Variants in OR1L8 observed in about 807,000 individuals in gnomAD.
The protein encoded by OR1L8 is olfactory receptor family 1 subfamily L member 8.
For missense variants in OR1L8, 330 were observed against 377.4 expected, an observed-to-expected ratio of 0.87 and a Z score of 1.04; for synonymous variants, 148 against 147.0, an observed-to-expected ratio of 1.01 and a Z score of -0.05.
the OR1L8 span, among the ~76,000 whole-genome samples, chr9:122,559,723 G>T: frequency 6.6e-6 from 1 of 152,076 alleles, no homozygotes; most frequent in African/African-American, 2.4e-5. Flanking sequence ...GCATTTGCTG[G>T]GGAGTTTTTT....
At chr9:122,569,415 G>A (rs181517535) in intron 4 of OR1L8, among the ~76,000 whole-genome samples, 2 of 90,258 alleles carry the variant, frequency 2.2e-5, no homozygotes, top group East Asian at 1.3e-3. Flanking sequence ...GGATATCAAA[G>A]TGGCTTCCAT....
At chr9:122,559,719 G>A in the OR1L8 span, among the ~76,000 whole-genome samples, 4 of 152,152 alleles carry the variant, frequency 2.6e-5, no homozygotes, top group Non-Finnish European at 4.4e-5. Flanking sequence ...TTTTGCATTT[G>A]CTGGGGAGTT....
intron 1 of OR1L8, among the ~76,000 whole-genome samples, chr9:122,582,880 G>GTAAT (rs1261356998): frequency 6.6e-6 from 1 of 151,806 alleles, no homozygotes; most frequent in Non-Finnish European, 1.5e-5. Context: ...AAATAAAAGT[G>GTAAT]TAATTAAAAT....
the OR1L8 span, among the ~76,000 whole-genome samples, chr9:122,555,198 G>A: frequency 2.0e-5 from 3 of 152,162 alleles, no homozygotes; most frequent in East Asian, 5.8e-4. Flanking sequence ...CTGAGATCAA[G>A]TTCATCCGGG....
downstream of OR1L8, among the ~76,000 whole-genome samples, chr9:122,564,003 A>G (rs73563753): frequency 0.024 from 3,652 of 152,162 alleles, 156 homozygotes; most frequent in African/African-American, 0.083. Flanking sequence ...TTCAGTTACT[A>G]TAGCTTTATA....
At chr9:122,569,438 T>C (rs889032199) in intron 4 of OR1L8, among the ~76,000 whole-genome samples, 5 of 152,244 alleles carry the variant, frequency 3.3e-5, no homozygotes, top group Admixed American at 2.0e-4. Context: ...CTTGCTACTA[T>C]AAAAAAACTC....
At chr9:122,557,984 T>C in the OR1L8 span, among the ~76,000 whole-genome samples, 1 of 152,022 alleles carries the variant, frequency 6.6e-6, no homozygotes, top group African/African-American at 2.4e-5. Context: ...AGTTATCATG[T>C]TTGTGGGCAC....
chr9:122,560,494 C>T, the OR1L8 span, among the ~76,000 whole-genome samples: 2 of 152,084 alleles, frequency 1.3e-5, no homozygotes, highest in Non-Finnish European at 2.9e-5. Flanking sequence ...TTAGTGCTTC[C>T]TTCAGGAGCT....
At chr9:122,553,802 A>G in the OR1L8 span, 26 of 1,613,976 alleles carry the variant, frequency 1.6e-5, no homozygotes, top group Middle Eastern at 1.6e-4. Flanking sequence ...ATACCCATGT[A>G]AACGAGCTGA....
chr9:122,571,547 CAAA>C lies in OR1L8; in HGVS notation c.-213+1230_-213+1232del, dbSNP rs59592725. Among the ~76,000 whole-genome samples, 669 of 126,848 alleles carry C rather than the reference CAAA, an allele frequency of 5.3e-3. 4 individuals carry two copies. Among genetic ancestry groups the C allele is most frequent in the Admixed American group, 0.016 (202 of 12,642 alleles). 83.2% of individuals were successfully genotyped at this position (126,848 alleles called of 152,430 possible). Reference sequence around the variant, plus strand: ...CCTGGCCAACAGAGCCAGACTGTCTCAAAAAAAAAAAAAAAAAAATTAGCTGAG... The same window carrying C: ...CCTGGCCAACAGAGCCAGACTGTCTCAAAAAAAAAAAAAAAATTAGCTGAG... On this transcript the variant is annotated intron_variant, in intron 4 of 4. Coordinates refer to ENST00000641027, the MANE Select transcript of OR1L8 (RefSeq NM_001004454.2).
chr9:122,567,268 T>TG lies in OR1L8; in HGVS notation c.*279dup, dbSNP rs976491630. 7.1e-6 allele frequency: 2 copies of TG among 283,640 alleles called. No homozygotes were observed. The highest frequency in any genetic ancestry group is 4.7e-5 in the Admixed American group (1 of 21,188). The allele number at this position is 283,640 out of a possible 1,614,324, so 17.6% of individuals were successfully genotyped here. The stretch of plus-strand genomic sequence containing the variant: ...GAGAAATTTGTTTAGGAAATATTCA[T>TG]GGGGAAAGGATTAGATTAAAGCAGT... On this transcript the variant is annotated 3_prime_UTR_variant, in exon 5 of 5. Transcript: ENST00000641027.
intron 4 of OR1L8, among the ~76,000 whole-genome samples, chr9:122,570,669 C>A (rs1829530263): frequency 6.6e-6 from 1 of 152,198 alleles, no homozygotes; most frequent in South Asian, 2.1e-4. Flanking sequence ...ATCTGATATT[C>A]CTGCATGTTC....
chr9:122,552,036 T>C, the OR1L8 span, among the ~76,000 whole-genome samples: 130 of 123,974 alleles, frequency 1.0e-3, no homozygotes, highest in African/African-American at 3.4e-3. Flanking sequence ...GTAGGACACA[T>C]ACACACACAC....
chr9:122,551,218 A>G, the OR1L8 span, among the ~76,000 whole-genome samples: 34 of 152,324 alleles, frequency 2.2e-4, no homozygotes, highest in African/African-American at 8.2e-4. Flanking sequence ...GAAACCAACA[A>G]TGATACTAGA....
Position 122,572,891 on chromosome 9 carries a change from C to T in OR1L8, c.-324G>A, listed in dbSNP as rs1379719745. On this transcript the variant is annotated 5_prime_UTR_variant, in exon 4 of 5. Coordinates refer to ENST00000641027, the MANE Select transcript of OR1L8 (RefSeq NM_001004454.2). ...GCCAAAGCTCAGCTTCCTCATGTTTCTCCTCTGAACTTCTGGACTAATTAG... is the reference window on the plus strand; with the variant it reads ...GCCAAAGCTCAGCTTCCTCATGTTTTTCCTCTGAACTTCTGGACTAATTAG... The T allele has an allele frequency of 1.3e-5, 2 of 152,180 alleles. No homozygotes were observed. The highest frequency in any genetic ancestry group is 4.8e-5 in the African/African-American group (2 of 41,442). 9.4% of individuals were successfully genotyped at this position (152,180 alleles called of 1,614,324 possible).
the OR1L8 span, among the ~76,000 whole-genome samples, chr9:122,558,311 C>CTTTTTT: frequency 1.7e-4 from 6 of 34,470 alleles, 2 homozygotes; most frequent in Non-Finnish European, 2.4e-4. Flanking sequence ...TTGGATTTTG[C>CTTTTTT]TTTTTTTTTT....
At chr9:122,581,952 GAC>G (rs1829743787) in intron 1 of OR1L8, among the ~76,000 whole-genome samples, 1 of 152,018 alleles carries the variant, frequency 6.6e-6, no homozygotes, top group South Asian at 2.1e-4. Flanking sequence ...AGTAAATAAA[GAC>G]AGAACTTTAT....
At chr9:122,560,909 C>T in the OR1L8 span, among the ~76,000 whole-genome samples, 2 of 152,084 alleles carry the variant, frequency 1.3e-5, no homozygotes, top group Admixed American at 6.6e-5. Context: ...TAGATAATAT[C>T]CTGAAGTGTG....
At position 122,583,062 on chromosome 9, in the gene OR1L8, G is replaced by C. The variant is rs944398403; in HGVS notation, c.-600+259C>G. Among the ~76,000 whole-genome samples, 10 of 151,846 alleles carry C rather than the reference G, an allele frequency of 6.6e-5. No homozygotes were observed. The East Asian group carries it at 1.9e-3, about 29-fold the overall frequency. On this transcript the variant is annotated intron_variant, in intron 1 of 4. Transcript: ENST00000641027. ...ATATAATCAGAGACTCAATAAACAGGAATAGCAATACGTTTTGATGTGTAA... is the reference window on the plus strand; with the variant it reads ...ATATAATCAGAGACTCAATAAACAGCAATAGCAATACGTTTTGATGTGTAA...
Sources: gnomAD v4.1 joint callset for allele counts (sites outside exome capture counted in the v4.1 genomes callset) on GRCh38, gnomAD v4.1.1 for gene constraint, MANE v1.5 for transcripts, NCBI Gene and HGNC (gene_info 2026-07-23, HGNC 2026-07-21) for gene names.